Variants in PTPRK observed in about 807,000 individuals in gnomAD.
PTPRK encodes the protein protein tyrosine phosphatase receptor type K.
In PTPRK, 75 loss-of-function variants were observed where a neutral mutation model predicts 178.0. The observed-to-expected ratio is 0.42, with a 90% CI of 0.35 to 0.51. The LOEUF is 0.51. Among genes scored for constraint, PTPRK ranks in the 20% least tolerant of loss-of-function variants. The probability of loss-of-function intolerance (pLI) is 0.02; values close to 1 mark genes in which losing one functional copy is unlikely to be tolerated. For missense variants in PTPRK, 1,441 were observed against 1,797.8 expected, an observed-to-expected ratio of 0.80 and a Z score of 3.59; for synonymous variants, 637 against 620.6, an observed-to-expected ratio of 1.03 and a Z score of -0.39.
chr6:128,297,640 A>G (rs868724337), intron 3 of PTPRK, among the ~76,000 whole-genome samples: 49 of 152,376 alleles, frequency 3.2e-4, no homozygotes, highest in African/African-American at 1.1e-3. Flanking sequence ...GTACATAACA[A>G]AATGAAGGCA....
At chr6:128,452,291 G>A (rs551574176) in intron 1 of PTPRK, among the ~76,000 whole-genome samples, 6 of 152,160 alleles carry the variant, frequency 3.9e-5, no homozygotes, top group East Asian at 1.9e-4. Flanking sequence ...ATGGTCATCC[G>A]AGTCCTCTCT....
intron 3 of PTPRK, among the ~76,000 whole-genome samples, chr6:128,311,727 TG>T (rs1019102697): frequency 2.0e-5 from 3 of 152,124 alleles, no homozygotes; most frequent in Admixed American, 1.3e-4. Context: ...TTAGAACTCC[TG>T]GGTTCAAGCG....
intron 13 of PTPRK, among the ~76,000 whole-genome samples, chr6:128,032,417 G>A (rs891830856): frequency 2.0e-5 from 3 of 152,258 alleles, no homozygotes; most frequent in Middle Eastern, 3.4e-3. Flanking sequence ...GGGTTATTCC[G>A]TTAAAGGATT....
rs576955007 is a variant in PTPRK, at chr6:128,109,258, TAATTATGATTTTC to T, written c.1163-19279_1163-19267del. Among the ~76,000 whole-genome samples the T allele has an allele frequency of 2.0e-4, 30 of 152,254 alleles. No individual in the cohort carries two copies. In the South Asian group the frequency reaches 6.2e-3, roughly 32 times the overall value. ...GTTTCAAAAGTTTGAAATGTAAAAT[TAATTATGATTTTC>T]AATGTAACCCACATACATTATTAAT... On this transcript the variant is annotated intron_variant, in intron 7 of 29. Coordinates refer to ENST00000368226, the MANE Select transcript of PTPRK (RefSeq NM_002844.4).
chr6:128,274,036 G>A (rs1820332993), intron 3 of PTPRK, among the ~76,000 whole-genome samples: 2 of 151,924 alleles, frequency 1.3e-5, no homozygotes, highest in South Asian at 4.2e-4. Context: ...GAATCTACTA[G>A]ACTAACAGCC....
At position 127,970,066 on chromosome 6, in the gene PTPRK, G is replaced by T; in HGVS notation, c.*161C>A. 3 of 504,994 alleles carry T rather than the reference G, an allele frequency of 5.9e-6. No individual in the cohort carries two copies. Among genetic ancestry groups the T allele is most frequent in the Non-Finnish European group, 7.0e-6 (2 of 286,904 alleles). The allele number at this position is 504,994 out of a possible 1,614,324, so 31.3% of individuals were successfully genotyped here. On this transcript the variant is annotated 3_prime_UTR_variant, in exon 30 of 30. Coordinates refer to ENST00000368226, the MANE Select transcript of PTPRK (RefSeq NM_002844.4). ...AAACTAATTCAGTCCTTTTTATTAA[G>T]ATACACAACTTCATAAAAAAAATAC... is the stretch of plus-strand genomic sequence containing the variant.
chr6:128,012,903 G>A (rs935957699), intron 13 of PTPRK, among the ~76,000 whole-genome samples: 7 of 150,908 alleles, frequency 4.6e-5, no homozygotes, highest in South Asian at 2.1e-4. Context: ...AAATCCTCCC[G>A]GCATTTCATT....
At chr6:128,220,866 T>C (rs1463219724) in intron 5 of PTPRK, among the ~76,000 whole-genome samples, 1 of 152,184 alleles carries the variant, frequency 6.6e-6, no homozygotes, top group East Asian at 1.9e-4. Context: ...GAACTGTTAG[T>C]TCTCCAACAA....
chr6:128,304,900 C>T (rs1167885156), intron 3 of PTPRK, among the ~76,000 whole-genome samples: 1 of 152,174 alleles, frequency 6.6e-6, no homozygotes, highest in African/African-American at 2.4e-5. Flanking sequence ...GGCACTCTAA[C>T]TCACCATGGC....
intron 11 of PTPRK, among the ~76,000 whole-genome samples, chr6:128,068,867 T>C (rs1291362173): frequency 1.3e-5 from 2 of 151,228 alleles, no homozygotes; most frequent in Admixed American, 6.6e-5. Flanking sequence ...ATTCAATGGA[T>C]CTCCAGGAGG....
chr6:127,978,675 G>A (rs1774893091), intron 25 of PTPRK, among the ~76,000 whole-genome samples: 3 of 152,162 alleles, frequency 2.0e-5, no homozygotes, highest in Non-Finnish European at 2.9e-5. Flanking sequence ...GCAGACTGAC[G>A]GCTATCTACT....
At chr6:128,434,655 A>T (rs1845274273) in intron 1 of PTPRK, among the ~76,000 whole-genome samples, 1 of 152,214 alleles carries the variant, frequency 6.6e-6, no homozygotes. Flanking sequence ...AAAACTAAGC[A>T]TCAAAATTAA....
intron 1 of PTPRK, among the ~76,000 whole-genome samples, chr6:128,451,862 T>G (rs536423334): frequency 1.3e-5 from 2 of 152,310 alleles, no homozygotes; most frequent in Admixed American, 6.5e-5. Flanking sequence ...ACCACCGAAC[T>G]AAGTCTAGCT....
At chr6:128,403,934 G>A (rs539514306) in intron 1 of PTPRK, among the ~76,000 whole-genome samples, 22 of 152,278 alleles carry the variant, frequency 1.4e-4, no homozygotes, top group African/African-American at 4.6e-4. Flanking sequence ...TCTTGTCATA[G>A]TATCAAGAAG....
At chr6:128,501,426 A>T (rs145977950) in intron 1 of PTPRK, among the ~76,000 whole-genome samples, 1 of 150,030 alleles carries the variant, frequency 6.7e-6, no homozygotes, top group African/African-American at 2.5e-5. Context: ...CACCCTTCCC[A>T]TTAAAAGGGA....
chr6:128,108,891 C>T (rs75402636), intron 7 of PTPRK, among the ~76,000 whole-genome samples: 3,897 of 152,198 alleles, frequency 0.026, 73 homozygotes, highest in Middle Eastern at 0.086. Context: ...GTTCACATCT[C>T]TTTCTCTGAT....
chr6:128,160,690 T>C lies in PTPRK; in HGVS notation c.1162+23742A>G, dbSNP rs1342271141. ...GCTCATGAGGTTGCTAAATTGAATG[T>C]AATAATGGAGGTGAATCCTTAGCAC... On this transcript the variant is annotated intron_variant, in intron 7 of 29. Coordinates refer to ENST00000368226, the MANE Select transcript of PTPRK (RefSeq NM_002844.4). 3.3e-5 allele frequency among the ~76,000 whole-genome samples: 5 copies of C among 151,772 alleles called. No individual in the cohort carries two copies. The East Asian group carries it at 5.8e-4, about 18-fold the overall frequency.
At position 128,005,161 on chromosome 6, in the gene PTPRK, T is replaced by C; in HGVS notation, c.2417A>G (p.Tyr806Cys). 1 of 1,611,780 alleles carries C rather than the reference T, an allele frequency of 6.2e-7. No individual in the cohort carries two copies. Among genetic ancestry groups the C allele is most frequent in the Non-Finnish European group, 8.5e-7 (1 of 1,178,624 alleles). The change falls in exon 15 of 30, where the codon TAT becomes TGT. Residue 806 changes from tyrosine (Y) to cysteine (C), a missense_variant. Tyr to Cys is a radical substitution (Grantham distance 194). Coordinates refer to ENST00000368226, the MANE Select transcript of PTPRK (RefSeq NM_002844.4). Reference sequence around the variant, plus strand: ...TGCATGCAGAGTGCTCTGATCAGCATAACTTCGATCCATTGCATTCACCAT... The same window carrying C: ...TGCATGCAGAGTGCTCTGATCAGCACAACTTCGATCCATTGCATTCACCAT... Reference protein sequence around the residue: ...THMVNAMDRSYADQSTLHAED... With the variant: ...THMVNAMDRSCADQSTLHAED...
intron 1 of PTPRK, among the ~76,000 whole-genome samples, chr6:128,402,521 G>A (rs1470650378): frequency 2.6e-5 from 4 of 152,088 alleles, no homozygotes; most frequent in Non-Finnish European, 5.9e-5. Context: ...CAGTGTGCTG[G>A]GATTACAGGC....
Sources: gnomAD v4.1 joint callset for allele counts (sites outside exome capture counted in the v4.1 genomes callset) on GRCh38, gnomAD v4.1.1 for gene constraint, MANE v1.5 for transcripts, NCBI Gene and HGNC (gene_info 2026-07-23, HGNC 2026-07-21) for gene names.